The following RBFOX1 variants were observed in gnomAD, a reference collection of about 807,000 sequenced individuals.
RBFOX1 encodes the protein RNA binding fox-1 homolog 1.
A neutral mutation model predicts 57.7 loss-of-function variants in RBFOX1; 8 were observed. That is an observed-to-expected ratio of 0.14 (90% confidence interval 0.08 to 0.25). The LOEUF is 0.25. Ranked by LOEUF, RBFOX1 falls within the 10% of genes least tolerant of loss-of-function variation. The probability of loss-of-function intolerance (pLI) is 1.00; values close to 1 mark genes in which losing one functional copy is unlikely to be tolerated. For missense variants in RBFOX1, 611 were observed against 548.5 expected (o/e 1.11, Z -1.14); for synonymous variants, 326 against 222.4 (o/e 1.47, Z -4.15).
At chr16:5,721,643 T>C (rs1354952863) in intron 3 of RBFOX1, among the ~76,000 whole-genome samples, 1 of 152,260 alleles carries the variant, frequency 6.6e-6, no homozygotes, top group Non-Finnish European at 1.5e-5. Context: ...CATTCTCTTA[T>C]GTTCCTAGAT....
At chr16:7,306,972 T>C (rs1343329953) in intron 4 of RBFOX1, among the ~76,000 whole-genome samples, 1 of 152,158 alleles carries the variant, frequency 6.6e-6, no homozygotes, top group Non-Finnish European at 1.5e-5. Context: ...AACAGAAGGG[T>C]AATCTTTGAT....
intron 4 of RBFOX1, among the ~76,000 whole-genome samples, chr16:5,991,190 C>T (rs1271536684): frequency 1.2e-4 from 18 of 152,268 alleles, no homozygotes; most frequent in Admixed American, 9.8e-4. Flanking sequence ...AGTTGACCCT[C>T]ATGGCAATCC....
chr16:7,532,175 A>T (rs1347652103), intron 5 of RBFOX1, among the ~76,000 whole-genome samples: 5 of 148,218 alleles, frequency 3.4e-5, no homozygotes, highest in Non-Finnish European at 7.4e-5. Flanking sequence ...TAGGTGTAGC[A>T]TTCCAATGAC....
At chr16:6,877,707 A>C (rs556486099) in intron 3 of RBFOX1, among the ~76,000 whole-genome samples, 35 of 152,296 alleles carry the variant, frequency 2.3e-4, no homozygotes, top group African/African-American at 8.4e-4. Context: ...GTGAGAAAAT[A>C]GAGGCTCAAA....
chr16:5,737,444 C>T (rs915172093), intron 3 of RBFOX1, among the ~76,000 whole-genome samples: 3 of 151,844 alleles, frequency 2.0e-5, no homozygotes, highest in African/African-American at 7.3e-5. Flanking sequence ...CGAGATCATG[C>T]TGCTACACTG....
chr16:7,186,221 T>TATAAACATAAACATATTTATATAAAC (rs1379749262), intron 4 of RBFOX1, among the ~76,000 whole-genome samples: 1 of 139,700 alleles, frequency 7.2e-6, no homozygotes, highest in Non-Finnish European at 1.5e-5. Flanking sequence ...TAAATATTTA[T>TATAAACATAAACATATTTATATAAAC]ATAAACATAA....
intron 3 of RBFOX1, among the ~76,000 whole-genome samples, chr16:5,615,512 A>T (rs2047988946): frequency 6.6e-6 from 1 of 152,234 alleles, no homozygotes. Context: ...ACATGAGGAC[A>T]GGAGGGACAT....
chr16:5,819,796 C>A (rs1250387080), intron 3 of RBFOX1, among the ~76,000 whole-genome samples: 1 of 152,226 alleles, frequency 6.6e-6, no homozygotes, highest in Non-Finnish European at 1.5e-5. Context: ...ACTTTCTTTA[C>A]ATGCTAGATC....
intron 1 of RBFOX1, among the ~76,000 whole-genome samples, chr16:6,049,975 A>C (rs900310269): frequency 7.3e-6 from 1 of 137,122 alleles, no homozygotes; most frequent in Non-Finnish European, 1.6e-5. Flanking sequence ...TTTTTTTGAG[A>C]GTGGAAGTCT....
At chr16:6,557,094 CATATAT>C (rs1011958343) in intron 2 of RBFOX1, among the ~76,000 whole-genome samples, 1 of 143,754 alleles carries the variant, frequency 7.0e-6, no homozygotes, top group African/African-American at 2.6e-5. Context: ...CATACATATA[CATATAT>C]ACATACATAT....
At chr16:7,536,525 C>G (rs1384488698) in intron 5 of RBFOX1, among the ~76,000 whole-genome samples, 1 of 152,144 alleles carries the variant, frequency 6.6e-6, no homozygotes, top group Admixed American at 6.5e-5. Context: ...ACTCAGGAGG[C>G]GGAGGTTGCA....
intron 7 of RBFOX1, among the ~76,000 whole-genome samples, chr16:7,592,914 C>T (rs967614392): frequency 6.6e-6 from 1 of 151,480 alleles, no homozygotes; most frequent in Admixed American, 6.6e-5. Context: ...TGGGCTCAAG[C>T]AATGAATGCT....
chr16:6,186,622 T>C (rs936839350), intron 1 of RBFOX1, among the ~76,000 whole-genome samples: 6 of 152,078 alleles, frequency 3.9e-5, no homozygotes, highest in Admixed American at 3.9e-4. Flanking sequence ...GTGTGGACCA[T>C]GCCATAGGCT....
intron 3 of RBFOX1, among the ~76,000 whole-genome samples, chr16:6,788,182 A>G (rs1381322975): frequency 6.6e-6 from 1 of 152,188 alleles, no homozygotes; most frequent in African/African-American, 2.4e-5. Context: ...AGATCGTGCC[A>G]GTGCACTCCA....
At chr16:6,100,453 C>T (rs2096291935) in intron 1 of RBFOX1, among the ~76,000 whole-genome samples, 2 of 152,190 alleles carry the variant, frequency 1.3e-5, no homozygotes, top group South Asian at 2.1e-4. Flanking sequence ...TGAGCCACCG[C>T]GCCCGGCCGG....
intron 13 of RBFOX1, 68 bp from the exon 14 acceptor site, chr16:7,676,706 C>G: frequency 7.3e-7 from 1 of 1,362,294 alleles, no homozygotes; most frequent in Non-Finnish European, 1.0e-6. Flanking sequence ...CTGGTGTGGT[C>G]TTGCCACTGG....
At chr16:7,480,828 G>A (rs1472303039) in intron 4 of RBFOX1, among the ~76,000 whole-genome samples, 3 of 152,180 alleles carry the variant, frequency 2.0e-5, no homozygotes. Context: ...GCAGAAAGCA[G>A]CTGGGAATTG....
chr16:6,800,081 C>G (rs971125761), intron 3 of RBFOX1, among the ~76,000 whole-genome samples: 9 of 152,152 alleles, frequency 5.9e-5, no homozygotes, highest in South Asian at 2.1e-4. Flanking sequence ...TGTCAGTAAA[C>G]TGTCATGGTG....
intron 2 of RBFOX1, among the ~76,000 whole-genome samples, chr16:6,345,505 G>C (rs1028456218): frequency 7.9e-5 from 12 of 152,160 alleles, no homozygotes; most frequent in African/African-American, 1.4e-4. Flanking sequence ...CCCCAGCCCT[G>C]TTTTAGCGAG....
Sources: gnomAD v4.1 joint callset for allele counts (sites outside exome capture counted in the v4.1 genomes callset) on GRCh38, gnomAD v4.1.1 for gene constraint, MANE v1.5 for transcripts, NCBI Gene and HGNC (gene_info 2026-07-23, HGNC 2026-07-21) for gene names.